The following PRUNE2 variants were observed in gnomAD, a reference collection of about 807,000 sequenced individuals.
PRUNE2 encodes protein prune homolog 2.
Under a neutral mutation model 252.0 loss-of-function variants are expected in PRUNE2, and 164 were observed. That is an observed-to-expected ratio of 0.65 (90% CI 0.57 to 0.74). PRUNE2 has a LOEUF of 0.74. PRUNE2 is among the 30% of genes least tolerant of loss of function. PRUNE2 has a pLI of 0.00. For synonymous variants in PRUNE2, 1,292 were observed against 1,350.2 expected (o/e 0.96, Z 0.94); for missense variants, 3,495 against 3,711.0 (o/e 0.94, Z 1.51).
chr9:76,840,905 C>T (rs1298987693), intron 4 of PRUNE2, among the ~76,000 whole-genome samples: 11 of 151,902 alleles, frequency 7.2e-5, no homozygotes, highest in Non-Finnish European at 1.5e-5. Flanking sequence ...CGCTTGAACC[C>T]GAGAGGCGGA....
At chr9:76,865,014 A>C (rs2060756425) in intron 1 of PRUNE2, among the ~76,000 whole-genome samples, 1 of 152,220 alleles carries the variant, frequency 6.6e-6, no homozygotes, top group South Asian at 2.1e-4. Flanking sequence ...TAGATCAAGC[A>C]CAGTTTCAGA....
intron 4 of PRUNE2, among the ~76,000 whole-genome samples, chr9:76,833,840 A>T (rs1272114091): frequency 6.6e-6 from 1 of 151,406 alleles, no homozygotes; most frequent in African/African-American, 2.4e-5. Flanking sequence ...ATACTGAAAG[A>T]CTTCCACTTC....
intron 6 of PRUNE2, among the ~76,000 whole-genome samples, chr9:76,760,945 G>T (rs1764751978): frequency 6.6e-6 from 1 of 152,026 alleles, no homozygotes; most frequent in Non-Finnish European, 1.5e-5. Context: ...AATTAGCCGG[G>T]TGCGGTGGCC....
intron 6 of PRUNE2, among the ~76,000 whole-genome samples, chr9:76,777,113 A>C (rs1273636331): frequency 1.3e-5 from 2 of 151,840 alleles, no homozygotes; most frequent in Non-Finnish European, 2.9e-5. Context: ...TATATTGCTG[A>C]GAGATGATGT....
chr9:76,782,444 A>G (rs549279087), intron 6 of PRUNE2, among the ~76,000 whole-genome samples: 3 of 152,152 alleles, frequency 2.0e-5, no homozygotes, highest in Non-Finnish European at 4.4e-5. Context: ...CAGCCTTGGG[A>G]AAGTTATTCT....
rs71509901 is a variant in PRUNE2 at position 76,882,694 on chromosome 9, C to T, written c.36+23234G>A. Among the ~76,000 whole-genome samples the T allele has an allele frequency of 9.1e-3, 1,379 of 152,248 alleles. 9 individuals carry two copies. The highest frequency in any genetic ancestry group is 0.014 in the Non-Finnish European group (981 of 68,008). On this transcript the variant is annotated intron_variant, in intron 1 of 18. Coordinates refer to ENST00000376718, the MANE Select transcript of PRUNE2 (RefSeq NM_015225.3). ...AGAACACACTCACTATCACAGGAGC[C>T]GTACCAGGGGATGGTACTAAACCAT...
At chr9:76,639,151 C>T (rs1215335312) in intron 12 of PRUNE2, among the ~76,000 whole-genome samples, 2 of 152,176 alleles carry the variant, frequency 1.3e-5, no homozygotes, top group African/African-American at 2.4e-5. Flanking sequence ...TTGTAGAGAA[C>T]ATCTTACTAA....
intron 6 of PRUNE2, among the ~76,000 whole-genome samples, chr9:76,754,231 A>G (rs1247906187): frequency 1.3e-5 from 2 of 152,186 alleles, no homozygotes; most frequent in Non-Finnish European, 2.9e-5. Context: ...AGGCTGCTTC[A>G]GGTTTGAACT....
chr9:76,889,330 G>A (rs147831119), intron 1 of PRUNE2, among the ~76,000 whole-genome samples: 97 of 115,814 alleles, frequency 8.4e-4, no homozygotes, highest in East Asian at 3.3e-3. Flanking sequence ...GCATGGTGGC[G>A]TGACTGCAGA....
chr9:76,752,642 A>G (rs2050738922), intron 6 of PRUNE2, among the ~76,000 whole-genome samples: 1 of 152,210 alleles, frequency 6.6e-6, no homozygotes, highest in African/African-American at 2.4e-5. Context: ...CACTTATAAT[A>G]CAGCAGGCAA....
intron 6 of PRUNE2, among the ~76,000 whole-genome samples, chr9:76,743,808 T>C (rs2049867471): frequency 1.3e-5 from 2 of 152,230 alleles, no homozygotes; most frequent in South Asian, 4.1e-4. Context: ...AACACAGAAT[T>C]TGTTAACTTT....
chr9:76,888,818 T>C lies in PRUNE2; in HGVS notation c.36+17110A>G, dbSNP rs2062269832. ...AGTTCCTTCAGTTCTCTTCTACTTC[T>C]CCCTCCAGCCTGTTAATGTTTTTTG... On this transcript the variant is annotated intron_variant, in intron 1 of 18. Transcript: ENST00000376718. Among the ~76,000 whole-genome samples, 3 of 151,998 alleles carry C rather than the reference T, an allele frequency of 2.0e-5. No homozygotes were observed. In the South Asian group the frequency reaches 6.2e-4, roughly 32 times the overall value.
intron 17 of PRUNE2, among the ~76,000 whole-genome samples, chr9:76,622,194 A>G (rs1463552636): frequency 6.6e-6 from 1 of 152,198 alleles, no homozygotes; most frequent in East Asian, 1.9e-4. Flanking sequence ...ACTATGTACC[A>G]GGCACGAGCA....
At chr9:76,645,650 A>G (rs1297463245) in intron 11 of PRUNE2, among the ~76,000 whole-genome samples, 1 of 152,200 alleles carries the variant, frequency 6.6e-6, no homozygotes, top group African/African-American at 2.4e-5. Context: ...ATTTAAAAAA[A>G]AAAAGTAACC....
intron 4 of PRUNE2, among the ~76,000 whole-genome samples, chr9:76,829,698 T>C (rs1453187215): frequency 6.6e-6 from 1 of 151,938 alleles, no homozygotes; most frequent in Non-Finnish European, 1.5e-5. Flanking sequence ...TCAGTCTTCC[T>C]GAGGACCGAA....
At position 76,707,527 on chromosome 9, in the gene PRUNE2, C is replaced by T. The variant is rs1328134979; in HGVS notation, c.4747G>A (p.Glu1583Lys). ...QGNWSEQNHQ[E>K]SELITTDGQV... ...CCATCAGTGGTAATTAGTTCAGATT[C>T]TTGGTGATTCTGTTCACTCCAGTTG... The change falls in exon 8 of 19, where the codon GAA becomes AAA. Residue 1583 changes from glutamate to lysine, a missense_variant. By Grantham distance (56) the Glu-to-Lys change is moderately conservative (BLOSUM62 1). Transcript: ENST00000376718. The T allele has an allele frequency of 6.2e-7, 1 of 1,613,954 alleles. No individual in the cohort carries two copies.
chr9:76,756,844 C>A (rs1017675624), intron 6 of PRUNE2, among the ~76,000 whole-genome samples: 4 of 150,026 alleles, frequency 2.7e-5, no homozygotes, highest in Admixed American at 2.7e-4. Context: ...CCACCCTGCC[C>A]GTGCCCTGCC....
At chr9:76,800,555 C>T (rs962645531) in intron 6 of PRUNE2, among the ~76,000 whole-genome samples, 8 of 152,094 alleles carry the variant, frequency 5.3e-5, no homozygotes, top group African/African-American at 1.9e-4. Context: ...TTCTTTTTCA[C>T]CTTTAATTGT....
chr9:76,797,388 T>C (rs2056190807), intron 6 of PRUNE2, among the ~76,000 whole-genome samples: 1 of 152,200 alleles, frequency 6.6e-6, no homozygotes, highest in African/African-American at 2.4e-5. Context: ...TGTTTTTGTT[T>C]GTTTGTTTGT....
Sources: gnomAD v4.1 joint callset for allele counts (sites outside exome capture counted in the v4.1 genomes callset) on GRCh38, gnomAD v4.1.1 for gene constraint, MANE v1.5 for transcripts, NCBI Gene and HGNC (gene_info 2026-07-23, HGNC 2026-07-21) for gene names.